NELL2: variants seen among roughly 807,000 people sequenced by gnomAD.
NELL2 encodes neural EGFL like 2, also known as protein kinase C-binding protein NELL2.
In NELL2, 41 loss-of-function variants were observed where a neutral mutation model predicts 109.6. The observed-to-expected ratio is 0.37, with a 90% CI of 0.29 to 0.49. The LOEUF (loss-of-function observed/expected upper bound fraction) is 0.49. NELL2 is among the 20% of genes least tolerant of loss of function. The pLI, the probability that NELL2 is intolerant of heterozygous loss-of-function variation, is 0.98. For synonymous variants in NELL2, 355 were observed against 344.7 expected (o/e 1.03, Z -0.33); for missense variants, 900 against 1,008.3 (o/e 0.89, Z 1.45).
In NELL2 at chr12:44,508,661, G is replaced by C. The variant is rs1940836148; in HGVS notation, c.*273C>G. 3.5e-6 allele frequency: 1 copy of C among 283,124 alleles called. No homozygotes were observed. Among genetic ancestry groups the C allele is most frequent in the African/African-American group, 2.2e-5 (1 of 45,264 alleles). The allele number at this position is 283,124 out of a possible 1,614,324, so 17.5% of individuals were successfully genotyped here. ...CAATGGGCTCAGGCTTTCTATCCAGGGTTCAGGATGTCACGGTATATACTG... is the reference window on the plus strand; with the variant it reads ...CAATGGGCTCAGGCTTTCTATCCAGCGTTCAGGATGTCACGGTATATACTG... On this transcript the variant is annotated 3_prime_UTR_variant, in exon 20 of 20. Coordinates refer to ENST00000429094, the MANE Select transcript of NELL2 (RefSeq NM_001145108.2).
upstream of NELL2, among the ~76,000 whole-genome samples, chr12:44,879,621 G>A (rs905487019): frequency 2.6e-5 from 4 of 151,838 alleles, no homozygotes; most frequent in Admixed American, 6.6e-5. Context: ...AGACTCTATC[G>A]GGACCCTAAG....
At chr12:44,570,503 T>A (rs1048804455) in intron 15 of NELL2, among the ~76,000 whole-genome samples, 1 of 152,176 alleles carries the variant, frequency 6.6e-6, no homozygotes, top group African/African-American at 2.4e-5. Flanking sequence ...TAATTAAGCA[T>A]GATAAATTGG....
At chr12:44,652,370 TTG>T in intron 13 of NELL2, among the ~76,000 whole-genome samples, 1 of 152,342 alleles carries the variant, frequency 6.6e-6, no homozygotes, top group African/African-American at 2.4e-5. Flanking sequence ...CTGTGTGATT[TTG>T]TGTTTGTGTG....
At chr12:44,614,156 A>C (rs1487336029) in intron 13 of NELL2, among the ~76,000 whole-genome samples, 1 of 151,988 alleles carries the variant, frequency 6.6e-6, no homozygotes. Context: ...ATCCTCAGTA[A>C]AAATTTCATT....
intron 12 of NELL2, among the ~76,000 whole-genome samples, chr12:44,676,788 C>G (rs755901946): frequency 6.6e-6 from 1 of 151,946 alleles, no homozygotes; most frequent in African/African-American, 2.4e-5. Context: ...AAATAACACA[C>G]ATGGAGAAAA....
intron 17 of NELL2, among the ~76,000 whole-genome samples, chr12:44,522,612 G>A (rs1941588794): frequency 1.3e-5 from 2 of 152,022 alleles, no homozygotes; most frequent in South Asian, 4.1e-4. Context: ...TAAAACCTAT[G>A]TTTTTGTATA....
intron 15 of NELL2, among the ~76,000 whole-genome samples, chr12:44,580,311 A>C (rs1050013488): frequency 5.9e-5 from 9 of 152,154 alleles, no homozygotes; most frequent in Admixed American, 1.3e-4. Flanking sequence ...GTTGAGATTA[A>C]GTTGAGAGTA....
chr12:44,563,371 A>AT (rs568828982), intron 15 of NELL2, among the ~76,000 whole-genome samples: 69 of 152,024 alleles, frequency 4.5e-4, no homozygotes, highest in African/African-American at 1.4e-3. Flanking sequence ...ATTATAGGTG[A>AT]TTTTTTTTCT....
At chr12:44,730,066 AC>A in intron 9 of NELL2, among the ~76,000 whole-genome samples, 1 of 152,206 alleles carries the variant, frequency 6.6e-6, no homozygotes, top group Non-Finnish European at 1.5e-5. Context: ...TTATATAAAG[AC>A]AAGAGGGTTT....
At chr12:44,758,387 T>G (rs1290656736) in intron 9 of NELL2, among the ~76,000 whole-genome samples, 5 of 152,226 alleles carry the variant, frequency 3.3e-5, no homozygotes, top group African/African-American at 1.2e-4. Context: ...CTAGTTACTC[T>G]GCTTTATTAA....
At chr12:44,666,424 A>G (rs572035907) in intron 12 of NELL2, among the ~76,000 whole-genome samples, 1 of 152,334 alleles carries the variant, frequency 6.6e-6, no homozygotes, top group Admixed American at 6.5e-5. Flanking sequence ...TCAGACAAGG[A>G]ATTTCCCATC....
At chr12:44,705,034 A>AC (rs1937788165) in intron 11 of NELL2, among the ~76,000 whole-genome samples, 1 of 146,668 alleles carries the variant, frequency 6.8e-6, no homozygotes, top group Non-Finnish European at 1.5e-5. Context: ...AAAAAAAAAA[A>AC]GGACTAAAAA....
intron 9 of NELL2, among the ~76,000 whole-genome samples, chr12:44,751,762 C>T (rs1470150924): frequency 6.6e-6 from 1 of 152,000 alleles, no homozygotes; most frequent in Non-Finnish European, 1.5e-5. Context: ...ATGAGTTCAT[C>T]AAAACTTAAA....
chr12:44,686,472 T>G (rs1948720238), intron 12 of NELL2, among the ~76,000 whole-genome samples: 2 of 152,214 alleles, frequency 1.3e-5, no homozygotes, highest in African/African-American at 4.8e-5. Context: ...CTGCGTTCCT[T>G]TGGAGGAGGA....
intron 15 of NELL2, among the ~76,000 whole-genome samples, chr12:44,587,918 A>G (rs541521332): frequency 3.9e-4 from 60 of 152,208 alleles, no homozygotes; most frequent in Middle Eastern, 3.4e-3. Context: ...TTGGGAGGCC[A>G]AGGCGGGCGG....
chr12:44,854,476 G>T (rs1201229854), intron 2 of NELL2, among the ~76,000 whole-genome samples: 1 of 152,054 alleles, frequency 6.6e-6, no homozygotes, highest in African/African-American at 2.4e-5. Context: ...CGGACATCAG[G>T]GGTTACAAGA....
Position 44,751,713 on chromosome 12 carries a change from G to C in NELL2, c.994+23034C>G, listed in dbSNP as rs905089960. On this transcript the variant is annotated intron_variant, in intron 9 of 19. Coordinates refer to ENST00000429094, the MANE Select transcript of NELL2 (RefSeq NM_001145108.2). ...AAAACATTTGTACTTTAACTTTTAA[G>C]GAAGTCTCCTTAATTCACTGAAATT... Among the ~76,000 whole-genome samples the C allele has an allele frequency of 4.6e-5, 7 of 151,930 alleles. No homozygotes were observed. The East Asian group carries it at 1.4e-3, about 29-fold the overall frequency.
At chr12:44,804,541 A>G (rs1942936648) in intron 3 of NELL2, among the ~76,000 whole-genome samples, 1 of 151,920 alleles carries the variant, frequency 6.6e-6, no homozygotes, top group Admixed American at 6.6e-5. Context: ...ATAGCAAAAT[A>G]AGTTAAAAGT....
intron 1 of NELL2, among the ~76,000 whole-genome samples, chr12:44,912,365 T>A (rs1469188467): frequency 2.0e-5 from 3 of 152,150 alleles, no homozygotes; most frequent in Non-Finnish European, 4.4e-5. Context: ...AGGAGGCATC[T>A]CTGATCAAAC....
Sources: gnomAD v4.1 joint callset for allele counts (sites outside exome capture counted in the v4.1 genomes callset) on GRCh38, gnomAD v4.1.1 for gene constraint, MANE v1.5 for transcripts, NCBI Gene and HGNC (gene_info 2026-07-23, HGNC 2026-07-21) for gene names.